The following PPP1R36 variants were observed in gnomAD, a reference collection of about 807,000 sequenced individuals.
PPP1R36 encodes protein phosphatase 1 regulatory subunit 36, also known as chromosome 14 open reading frame 50.
Under a neutral mutation model 53.4 loss-of-function variants are expected in PPP1R36, and 47 were observed. The ratio of observed to expected loss-of-function variants is 0.88; its 90% CI spans 0.70 to 1.12. The LOEUF (loss-of-function observed/expected upper bound fraction) is 1.12, where lower values mean the gene tolerates loss of function less well. Ranked by LOEUF, PPP1R36 falls within the 50% of genes most tolerant of loss-of-function variation. The pLI is 0.00. For missense variants in PPP1R36, 456 were observed against 513.9 expected (o/e 0.89, Z 1.09); for synonymous variants, 153 against 170.5 (o/e 0.90, Z 0.80).
In PPP1R36 at chr14:64,587,448, C is replaced by CTTTTT. The variant is rs10708900; in HGVS notation, c.890+102_890+106dup. 2.8e-4 allele frequency: 31 copies of CTTTTT among 110,986 alleles called. 1 individual carries two copies. Among genetic ancestry groups the CTTTTT allele is most frequent in the South Asian group, 7.8e-4 (2 of 2,566 alleles). The allele number at this position is 110,986 out of a possible 1,614,324, so 6.9% of individuals were successfully genotyped here. A position where few individuals can be genotyped will look rare whatever the true frequency, so the allele number is the denominator to read the frequency against. On this transcript the variant is annotated intron_variant, in intron 10 of 11. Coordinates refer to ENST00000298705, the MANE Select transcript of PPP1R36 (RefSeq NM_172365.3). ...CCTTTCTTTTCTTTTCTTTTTTCTCCTTTTTTTTTTTTTTTTTTTTTTTTT... is the reference window on the plus strand; with the variant it reads ...CCTTTCTTTTCTTTTCTTTTTTCTCCTTTTTTTTTTTTTTTTTTTTTTTTTTTTTT...
intron 6 of PPP1R36, among the ~76,000 whole-genome samples, 188 bp from the exon 7 acceptor site, chr14:64,568,161 C>A (rs545884266): frequency 1.3e-5 from 2 of 152,082 alleles, no homozygotes; most frequent in African/African-American, 4.8e-5. Context: ...TTACAAAAAC[C>A]AGATTTCTTA....
chr14:64,576,135 CA>C (rs1378598116), intron 8 of PPP1R36, among the ~76,000 whole-genome samples: 1 of 139,412 alleles, frequency 7.2e-6, no homozygotes, highest in African/African-American at 2.7e-5. Flanking sequence ...GGCTGGAGTG[CA>C]ATGGTGTGAT....
chr14:64,553,656 G>T (rs566534541), intron 3 of PPP1R36, among the ~76,000 whole-genome samples: 1 of 151,936 alleles, frequency 6.6e-6, no homozygotes, highest in Non-Finnish European at 1.5e-5. Context: ...CCTTCAGGGG[G>T]TTATCAACTG....
chr14:64,559,900 C>A (rs1036248453), intron 3 of PPP1R36, among the ~76,000 whole-genome samples: 5 of 151,658 alleles, frequency 3.3e-5, no homozygotes, highest in African/African-American at 1.2e-4. Flanking sequence ...GTCAGGAGTT[C>A]AAGACCAGCC....
At chr14:64,553,798 C>A (rs1251436904) in intron 3 of PPP1R36, among the ~76,000 whole-genome samples, 1 of 138,142 alleles carries the variant, frequency 7.2e-6, no homozygotes, top group Non-Finnish European at 1.5e-5. Context: ...AAGATTTATG[C>A]ACCTTACTAC....
At position 64,586,350 on chromosome 14, in the gene PPP1R36, CAGA is replaced by C. The variant is rs140212121; in HGVS notation, c.669-484_669-482del. On this transcript the variant is annotated intron_variant, in intron 8 of 11. Transcript: ENST00000298705. ...AAGACTCAGGTTTGTCCATGCCCAT[CAGA>C]AGGAGGAGCACACTGCCGTTCTCAG... 1,365 of 153,008 alleles carry C rather than the reference CAGA, an allele frequency of 8.9e-3. 23 individuals carry two copies. Among genetic ancestry groups the C allele is most frequent in the African/African-American group, 0.03 (1,261 of 41,554 alleles). 9.5% of individuals were successfully genotyped at this position (153,008 alleles called of 1,614,324 possible).
intron 8 of PPP1R36, among the ~76,000 whole-genome samples, chr14:64,578,935 G>C (rs1296364138): frequency 6.6e-6 from 1 of 152,258 alleles, no homozygotes; most frequent in Non-Finnish European, 1.5e-5. Flanking sequence ...CTATAAAAAA[G>C]AATGAGATCA....
In PPP1R36 at chr14:64,565,440, T is replaced by C. The variant is rs749381736; in HGVS notation, c.353T>C (p.Leu118Pro). The stretch of plus-strand genomic sequence containing the variant: ...CGAGGTCAACAGGGCACCATTACAC[T>C]GGATGATGTTAAATGTGAGTAACTG... Reference protein sequence around the residue: ...EKRGQQGTITLDDVKFVTLLL... With the variant: ...EKRGQQGTITPDDVKFVTLLL... The change falls in exon 5 of 12, where the codon CTG becomes CCG. Residue 118 changes from leucine to proline, a missense_variant. By Grantham distance (98) the Leu-to-Pro change is moderately conservative. Coordinates refer to ENST00000298705, the MANE Select transcript of PPP1R36 (RefSeq NM_172365.3). 5.0e-6 allele frequency: 8 copies of C among 1,610,786 alleles called. 1 individual carries two copies. The African/African-American group carries it at 5.3e-5, about 11-fold the overall frequency.
intron 3 of PPP1R36, among the ~76,000 whole-genome samples, chr14:64,561,217 C>A (rs1407320577): frequency 6.6e-6 from 1 of 152,142 alleles, no homozygotes; most frequent in Admixed American, 6.5e-5. Flanking sequence ...TGCTAGACTT[C>A]TAGGTATTCT....
At chr14:64,569,258 C>T (rs1054245624) in intron 7 of PPP1R36, among the ~76,000 whole-genome samples, 4 of 152,176 alleles carry the variant, frequency 2.6e-5, no homozygotes, top group Non-Finnish European at 2.9e-5. Flanking sequence ...ACTTTCCACA[C>T]GCCAGGCTGC....
At chr14:64,582,075 C>T (rs138846360) in intron 8 of PPP1R36, among the ~76,000 whole-genome samples, 231 of 152,114 alleles carry the variant, frequency 1.5e-3, no homozygotes, top group Non-Finnish European at 3.0e-3. Context: ...GTGGGGCTGA[C>T]GGGGAAAAAG....
chr14:64,560,193 C>T (rs940544361), intron 3 of PPP1R36, among the ~76,000 whole-genome samples: 9 of 149,064 alleles, frequency 6.0e-5, no homozygotes, highest in South Asian at 2.1e-4. Context: ...GTAATCCCAG[C>T]GCTTTGGGAG....
chr14:64,581,550 A>G (rs1348512538), intron 8 of PPP1R36, among the ~76,000 whole-genome samples: 1 of 131,170 alleles, frequency 7.6e-6, no homozygotes, highest in African/African-American at 2.9e-5. Context: ...CAAGTTGCTC[A>G]TTTACTTCTC....
chr14:64,585,279 G>C (rs2080422309), intron 8 of PPP1R36, among the ~76,000 whole-genome samples: 1 of 152,172 alleles, frequency 6.6e-6, no homozygotes, highest in Non-Finnish European at 1.5e-5. Flanking sequence ...ACTTTGGGAG[G>C]GTGAGGTAGG....
intron 11 of PPP1R36, among the ~76,000 whole-genome samples, chr14:64,588,779 C>T (rs1188016613): frequency 1.3e-5 from 2 of 151,982 alleles, no homozygotes; most frequent in African/African-American, 2.4e-5. Flanking sequence ...AGGCTGGTCT[C>T]AAACTCCCAG....
At chr14:64,579,949 G>A (rs1471532354) in intron 8 of PPP1R36, among the ~76,000 whole-genome samples, 5 of 151,628 alleles carry the variant, frequency 3.3e-5, no homozygotes, top group Admixed American at 6.6e-5. Flanking sequence ...CAGCCTGGGC[G>A]ACAGAGCGAG....
At position 64,579,973 on chromosome 14, in the gene PPP1R36, A is replaced by C. The variant is rs185462697; in HGVS notation, c.668+5384A>C. Reference sequence around the variant, plus strand: ...CGACAGAGCGAGACTCCGTCTCAAAAAACAAAAAAAACAAAACAAAAACAT... The same window carrying C: ...CGACAGAGCGAGACTCCGTCTCAAACAACAAAAAAAACAAAACAAAAACAT... On this transcript the variant is annotated intron_variant, in intron 8 of 11. Coordinates refer to ENST00000298705, the MANE Select transcript of PPP1R36 (RefSeq NM_172365.3). Among the ~76,000 whole-genome samples, 144 of 147,100 alleles carry C rather than the reference A, an allele frequency of 9.8e-4. 1 individual carries two copies. The highest frequency in any genetic ancestry group is 1.8e-3 in the Non-Finnish European group (122 of 67,172).
intron 3 of PPP1R36, among the ~76,000 whole-genome samples, chr14:64,563,109 G>T (rs1268195963): frequency 6.6e-6 from 1 of 152,058 alleles, no homozygotes; most frequent in Non-Finnish European, 1.5e-5. Flanking sequence ...CAGGTGATCT[G>T]CCTACCTCGG....
chr14:64,584,027 G>A (rs892013393), intron 8 of PPP1R36, among the ~76,000 whole-genome samples: 7 of 149,400 alleles, frequency 4.7e-5, no homozygotes, highest in East Asian at 2.1e-4. Flanking sequence ...TCAGCCTCCC[G>A]AGTAGCTGGG....
Sources: allele counts gnomAD v4.1 joint callset (sites outside exome capture counted in the v4.1 genomes callset), GRCh38; gene constraint gnomAD v4.1.1; transcripts MANE v1.5; gene names NCBI Gene and HGNC (gene_info 2026-07-23, HGNC 2026-07-21).